The following COL22A1 variants were observed in gnomAD, a reference collection of about 807,000 sequenced individuals.
COL22A1 encodes collagen alpha-1(XXII) chain.
Under a neutral mutation model 248.9 loss-of-function variants are expected in COL22A1, and 221 were observed. That is an observed-to-expected ratio of 0.89 (90% CI 0.80 to 0.99). The LOEUF (loss-of-function observed/expected upper bound fraction) is 0.99. COL22A1 is among the 50% of genes least tolerant of loss of function. COL22A1 has a pLI of 0.00. For synonymous variants in COL22A1, 891 were observed against 793.4 expected (o/e 1.12, Z -2.07); for missense variants, 2,240 against 2,179.0 (o/e 1.03, Z -0.56).
At chr8:138,819,725 T>C in intron 7 of COL22A1, among the ~76,000 whole-genome samples, 1 of 148,574 alleles carries the variant, frequency 6.7e-6, no homozygotes, top group Non-Finnish European at 1.5e-5. Context: ...ATATTATATA[T>C]AATTTATATA....
chr8:138,828,124 A>G (rs2318335), intron 5 of COL22A1: 83,652 of 151,292 alleles, frequency 0.55, 23,610 homozygotes, highest in East Asian at 0.67. Context: ...TCAGCACCCA[A>G]GTAGCACGGC....
chr8:138,661,886 C>A, intron 43 of COL22A1, 144 bp downstream of exon 43: 1 of 520,932 alleles, frequency 1.9e-6, no homozygotes, highest in Non-Finnish European at 3.5e-6. Flanking sequence ...AAATAAAAAG[C>A]ATGTCCATGG....
intron 39 of COL22A1, among the ~76,000 whole-genome samples, chr8:138,682,994 C>A (rs1313781503): frequency 6.6e-6 from 1 of 152,246 alleles, no homozygotes; most frequent in Non-Finnish European, 1.5e-5. Flanking sequence ...CCACCGCACC[C>A]GGCCCTACAT....
chr8:138,655,753 A>G, intron 45 of COL22A1, 144 bp downstream of exon 45: 2 of 761,214 alleles, frequency 2.6e-6, no homozygotes, highest in Non-Finnish European at 4.7e-6. Flanking sequence ...CACCAGCCAC[A>G]TGCTGAGTTG....
chr8:138,861,270 C>A (rs1463319109), intron 3 of COL22A1, among the ~76,000 whole-genome samples: 1 of 152,178 alleles, frequency 6.6e-6, no homozygotes, highest in African/African-American at 2.4e-5. Context: ...CGCTTCCGGG[C>A]TCACATGAAG....
intron 30 of COL22A1, among the ~76,000 whole-genome samples, chr8:138,711,321 C>A (rs942269715): frequency 6.6e-6 from 1 of 152,188 alleles, no homozygotes; most frequent in Non-Finnish European, 1.5e-5. Context: ...AGGCAAAGCA[C>A]AGTCAGAAGA....
At chr8:138,862,308 C>T (rs954377821) in intron 3 of COL22A1, among the ~76,000 whole-genome samples, 9 of 152,182 alleles carry the variant, frequency 5.9e-5, no homozygotes, top group African/African-American at 2.2e-4. Context: ...ACTCCAAATT[C>T]TTCCCGTGGC....
chr8:138,779,047 A>G (rs920387730), intron 14 of COL22A1, among the ~76,000 whole-genome samples: 1 of 152,272 alleles, frequency 6.6e-6, no homozygotes, highest in Non-Finnish European at 1.5e-5. Flanking sequence ...ATAAGGAGAA[A>G]CACACAAATG....
intron 4 of COL22A1, among the ~76,000 whole-genome samples, chr8:138,843,036 T>C (rs1821000037): frequency 6.6e-6 from 1 of 152,162 alleles, no homozygotes; most frequent in Non-Finnish European, 1.5e-5. Context: ...AAATGTGGAC[T>C]TCAGAATAAT....
At chr8:138,712,615 G>A (rs78149675) in intron 30 of COL22A1, among the ~76,000 whole-genome samples, 1 of 5,218 alleles carries the variant, frequency 1.9e-4, no homozygotes, top group Non-Finnish European at 7.8e-4. Flanking sequence ...CTCCTCAGCA[G>A]AGGGTACATG....
chr8:138,848,989 A>G (rs1301761786), intron 3 of COL22A1, among the ~76,000 whole-genome samples: 1 of 152,162 alleles, frequency 6.6e-6, no homozygotes, highest in Non-Finnish European at 1.5e-5. Flanking sequence ...GACAAGATGT[A>G]TGACATCCAA....
At chr8:138,708,766 CA>C (rs1828697865) in intron 30 of COL22A1, among the ~76,000 whole-genome samples, 1 of 152,130 alleles carries the variant, frequency 6.6e-6, no homozygotes, top group Non-Finnish European at 1.5e-5. Flanking sequence ...GTAATGGCAA[CA>C]AAAGCCAAAA....
intron 56 of COL22A1, among the ~76,000 whole-genome samples, chr8:138,610,065 G>C (rs1818738754): frequency 6.6e-6 from 1 of 152,244 alleles, no homozygotes. Context: ...TGTTTGAGCT[G>C]CAGGCTCTTG....
At chr8:138,732,405 T>C (rs1830778225) in intron 23 of COL22A1, among the ~76,000 whole-genome samples, 1 of 152,192 alleles carries the variant, frequency 6.6e-6, no homozygotes, top group Non-Finnish European at 1.5e-5. Context: ...ATGACCTGGG[T>C]CAAATCCCAG....
At chr8:138,775,185 C>T (rs182672743) in intron 16 of COL22A1, among the ~76,000 whole-genome samples, 1 of 152,282 alleles carries the variant, frequency 6.6e-6, no homozygotes, top group Admixed American at 6.5e-5. Context: ...TCTTGGGACA[C>T]ATTGCTCCAG....
chr8:138,827,049 C>G (rs978380697), intron 5 of COL22A1: 1 of 439,486 alleles, frequency 2.3e-6, no homozygotes, highest in African/African-American at 2.0e-5. Context: ...TCTCCACCAC[C>G]ACCATGACTC....
intron 1 of COL22A1, among the ~76,000 whole-genome samples, chr8:138,894,819 C>T (rs187799756): frequency 2.6e-5 from 4 of 152,240 alleles, no homozygotes; most frequent in Non-Finnish European, 5.9e-5. Context: ...CAGTTTTCTT[C>T]CCCTGATCCA....
chr8:138,694,939 G>T, intron 32 of COL22A1, 60 bp from the exon 33 acceptor site: 2 of 1,549,256 alleles, frequency 1.3e-6, no homozygotes, highest in Non-Finnish European at 1.8e-6. Context: ...TCGTCACAGG[G>T]TACATGTCCC....
chr8:138,872,859 A>G (rs1274264629), intron 3 of COL22A1, among the ~76,000 whole-genome samples: 1 of 152,196 alleles, frequency 6.6e-6, no homozygotes, highest in Non-Finnish European at 1.5e-5. Flanking sequence ...CGTCTGTAAT[A>G]ACACTGGCCA....
Sources: allele counts gnomAD v4.1 joint callset (sites outside exome capture counted in the v4.1 genomes callset), GRCh38; gene constraint gnomAD v4.1.1; transcripts MANE v1.5; gene names NCBI Gene and HGNC (gene_info 2026-07-23, HGNC 2026-07-21).